RALYL: variants seen among roughly 807,000 people sequenced by gnomAD.
RALYL encodes the protein RALY RNA binding protein like.
In RALYL, 29 loss-of-function variants were observed where a neutral mutation model predicts 35.1. That is an observed-to-expected ratio of 0.83 (90% CI 0.61 to 1.13). RALYL has a LOEUF of 1.13. Among genes scored for constraint, RALYL ranks in the 50% most tolerant of loss-of-function variants. The probability of loss-of-function intolerance (pLI) is 0.00; values close to 1 mark genes in which losing one functional copy is unlikely to be tolerated. For missense variants in RALYL, 359 were observed against 360.4 expected, an observed-to-expected ratio of 1.00 and a Z score of 0.03; for synonymous variants, 120 against 127.6, an observed-to-expected ratio of 0.94 and a Z score of 0.40.
At chr8:84,261,118 T>TTA (rs57792988) in intron 1 of RALYL, among the ~76,000 whole-genome samples, 2 of 151,816 alleles carry the variant, frequency 1.3e-5, no homozygotes, top group African/African-American at 4.8e-5. Context: ...TTTTTTTTTT[T>TTA]ATAATTTACT....
chr8:84,905,071 A>G (rs941637613), intron 8 of RALYL, among the ~76,000 whole-genome samples: 2 of 152,128 alleles, frequency 1.3e-5, no homozygotes, highest in Non-Finnish European at 2.9e-5. Context: ...CTGAAACTTT[A>G]TGCCCACTTA....
At chr8:84,800,644 T>C (rs200368686) in intron 3 of RALYL, among the ~76,000 whole-genome samples, 4 of 67,142 alleles carry the variant, frequency 6.0e-5, no homozygotes, top group Non-Finnish European at 1.0e-4. Flanking sequence ...TTAGGAAAGA[T>C]AAAAAAAATT....
chr8:84,473,598 T>G (rs191318727), intron 1 of RALYL, among the ~76,000 whole-genome samples: 15 of 151,910 alleles, frequency 9.9e-5, no homozygotes, highest in Admixed American at 7.9e-4. Context: ...AAATAGTCCT[T>G]ATGTGGCAAA....
chr8:84,464,223 G>C (rs2051222839), intron 1 of RALYL, among the ~76,000 whole-genome samples: 1 of 150,008 alleles, frequency 6.7e-6, no homozygotes, highest in Non-Finnish European at 1.5e-5. Flanking sequence ...CATGTGCCAT[G>C]CTGGTGCGCT....
chr8:84,781,637 G>A (rs1211269416), intron 3 of RALYL, among the ~76,000 whole-genome samples: 10 of 152,146 alleles, frequency 6.6e-5, no homozygotes, highest in Admixed American at 1.3e-4. Context: ...AAAATCAAAG[G>A]AAGTAAAACC....
At chr8:84,703,670 C>G (rs1840620708) in intron 2 of RALYL, among the ~76,000 whole-genome samples, 2 of 152,094 alleles carry the variant, frequency 1.3e-5, no homozygotes, top group Non-Finnish European at 2.9e-5. Flanking sequence ...ACATTTGAGT[C>G]ATTAGTCCAT....
intron 2 of RALYL, among the ~76,000 whole-genome samples, chr8:84,743,282 CT>C (rs1376573529): frequency 6.6e-6 from 1 of 151,840 alleles, no homozygotes; most frequent in African/African-American, 2.4e-5. Context: ...GTTCTGTGTC[CT>C]TTCCTCTGCT....
At chr8:84,680,674 T>C (rs1013065865) in intron 2 of RALYL, among the ~76,000 whole-genome samples, 2 of 152,168 alleles carry the variant, frequency 1.3e-5, no homozygotes, top group African/African-American at 4.8e-5. Flanking sequence ...TTCATATCCT[T>C]CGCCCACTTG....
At chr8:84,252,717 T>G (rs955783417) in intron 1 of RALYL, among the ~76,000 whole-genome samples, 1 of 152,054 alleles carries the variant, frequency 6.6e-6, no homozygotes, top group Non-Finnish European at 1.5e-5. Flanking sequence ...CTACCTGACT[T>G]TTTTCATTAT....
At chr8:84,226,506 G>A (rs1023588256) in intron 1 of RALYL, among the ~76,000 whole-genome samples, 12 of 152,030 alleles carry the variant, frequency 7.9e-5, no homozygotes, top group Non-Finnish European at 1.2e-4. Context: ...TCCTGGATTC[G>A]AGTGATTCTC....
At chr8:84,282,935 A>G (rs1452831324) in intron 1 of RALYL, among the ~76,000 whole-genome samples, 2 of 151,972 alleles carry the variant, frequency 1.3e-5, no homozygotes, top group South Asian at 2.1e-4. Flanking sequence ...TGGTTGGAAT[A>G]CAAGTAGGAC....
At chr8:84,357,164 C>G (rs1366007185) in intron 1 of RALYL, among the ~76,000 whole-genome samples, 1 of 151,988 alleles carries the variant, frequency 6.6e-6, no homozygotes, top group African/African-American at 2.4e-5. Context: ...CACTTATGTC[C>G]CTTCACATTG....
At chr8:84,391,359 A>G (rs1172458487) in intron 1 of RALYL, among the ~76,000 whole-genome samples, 2 of 151,990 alleles carry the variant, frequency 1.3e-5, no homozygotes, top group African/African-American at 4.8e-5. Flanking sequence ...AACAAAGAAA[A>G]GTCCTATTTC....
chr8:84,491,241 A>G (rs1335295997), intron 1 of RALYL, among the ~76,000 whole-genome samples: 2 of 152,036 alleles, frequency 1.3e-5, no homozygotes, highest in Non-Finnish European at 2.9e-5. Context: ...CAGCTTAGGT[A>G]AGTGGCATCT....
intron 2 of RALYL, among the ~76,000 whole-genome samples, chr8:84,701,659 G>T (rs1458822623): frequency 6.6e-6 from 1 of 152,142 alleles, no homozygotes; most frequent in Admixed American, 6.6e-5. Flanking sequence ...AAGAGAGGGG[G>T]TGAGGTGACT....
Position 84,776,168 on chromosome 8 carries a change from A to G in RALYL, c.332+1514A>G, listed in dbSNP as rs894811218. Among the ~76,000 whole-genome samples the G allele has an allele frequency of 2.6e-5, 4 of 152,140 alleles. No homozygotes were observed. The East Asian group carries it at 5.8e-4, about 22-fold the overall frequency. ...AGAGTGCTCAAAAATAGCCTGGAGC[A>G]CTTTCCTTGTTTTTGTTCTCTGAAA... On this transcript the variant is annotated intron_variant, in intron 3 of 8. Transcript: ENST00000521268.
intron 3 of RALYL, among the ~76,000 whole-genome samples, chr8:84,781,001 G>C (rs1412012620): frequency 2.0e-5 from 3 of 152,050 alleles, no homozygotes; most frequent in African/African-American, 2.4e-5. Context: ...TGGGACTACA[G>C]GTGTGTGCCA....
Position 84,657,426 on chromosome 8 carries a change from G to A in RALYL, c.257-117153G>A, listed in dbSNP as rs548792102. The stretch of plus-strand genomic sequence containing the variant: ...CAGAATCCAAGTCTTACTCTCAACC[G>A]AAACTGGTTATGGTTTTTTAGAATA... On this transcript the variant is annotated intron_variant, in intron 2 of 8. Transcript: ENST00000521268. Among the ~76,000 whole-genome samples, 82 of 152,222 alleles carry A rather than the reference G, an allele frequency of 5.4e-4. 1 individual carries two copies. The highest frequency in any genetic ancestry group is 1.9e-3 in the African/African-American group (77 of 41,546).
At chr8:84,627,750 C>A (rs546267805) in intron 2 of RALYL, among the ~76,000 whole-genome samples, 2 of 151,968 alleles carry the variant, frequency 1.3e-5, no homozygotes, top group African/African-American at 4.8e-5. Flanking sequence ...ACTTTCCCAC[C>A]ATAATGAATG....
Sources: gnomAD v4.1 joint callset for allele counts (sites outside exome capture counted in the v4.1 genomes callset) on GRCh38, gnomAD v4.1.1 for gene constraint, MANE v1.5 for transcripts, NCBI Gene and HGNC (gene_info 2026-07-23, HGNC 2026-07-21) for gene names.